Variants in CDH4 observed in about 807,000 individuals in gnomAD.
CDH4 encodes cadherin 4, also known as cadherin-4.
Under a neutral mutation model 86.0 loss-of-function variants are expected in CDH4, and 33 were observed. The ratio of observed to expected loss-of-function variants is 0.38; its 90% CI spans 0.29 to 0.51. CDH4 has a LOEUF of 0.51. Among genes scored for constraint, CDH4 ranks in the 20% least tolerant of loss-of-function variants. CDH4 has a pLI of 0.86. For synonymous variants in CDH4, 555 were observed against 549.4 expected (o/e 1.01, Z -0.14); for missense variants, 1,114 against 1,307.4 (o/e 0.85, Z 2.28).
rs373465910 is a variant in CDH4 at position 61,653,830 on chromosome 20, G to A, written c.170-89733G>A. Reference sequence around the variant, plus strand: ...CTCCTCACTTCCTAGATGGGATGGCGGCCGGGCAGAGACGCTCCTCACTTC... The same window carrying A: ...CTCCTCACTTCCTAGATGGGATGGCAGCCGGGCAGAGACGCTCCTCACTTC... On this transcript the variant is annotated intron_variant, in intron 2 of 15. Coordinates refer to ENST00000614565, the MANE Select transcript of CDH4 (RefSeq NM_001794.5). Among the ~76,000 whole-genome samples, 6 of 68,574 alleles carry A rather than the reference G, an allele frequency of 8.7e-5. 1 individual carries two copies. The highest frequency in any genetic ancestry group is 1.7e-4 in the Non-Finnish European group (4 of 23,928). The allele number at this position is 68,574 out of a possible 152,430, so 45.0% of individuals were successfully genotyped here.
At chr20:61,439,873 A>G (rs2085305282) in intron 2 of CDH4, among the ~76,000 whole-genome samples, 1 of 152,186 alleles carries the variant, frequency 6.6e-6, no homozygotes, top group East Asian at 1.9e-4. Flanking sequence ...CCCTAGTTAC[A>G]TGGTGATATT....
chr20:61,586,871 T>C (rs1440487448), intron 2 of CDH4, among the ~76,000 whole-genome samples: 1 of 152,104 alleles, frequency 6.6e-6, no homozygotes, highest in East Asian at 1.9e-4. Context: ...CTGAGGCACA[T>C]TATTTAATTT....
At chr20:61,321,494 TGA>T (rs1568796627) in intron 2 of CDH4, among the ~76,000 whole-genome samples, 1 of 152,122 alleles carries the variant, frequency 6.6e-6, no homozygotes. Context: ...TGTGTGTGTG[TGA>T]GAGAGAATAT....
chr20:61,373,037 C>G (rs553831800), intron 2 of CDH4, among the ~76,000 whole-genome samples: 34 of 152,332 alleles, frequency 2.2e-4, no homozygotes, highest in African/African-American at 7.9e-4. Flanking sequence ...TCATAAAAAT[C>G]CTGATTCCTG....
At chr20:61,257,784 A>G (rs1430726477) in intron 2 of CDH4, among the ~76,000 whole-genome samples, 2 of 152,252 alleles carry the variant, frequency 1.3e-5, no homozygotes, top group East Asian at 3.9e-4. Flanking sequence ...CGGAAGCTGC[A>G]GCCTGGTACG....
intron 2 of CDH4, among the ~76,000 whole-genome samples, chr20:61,733,196 G>A (rs891605013): frequency 2.0e-5 from 3 of 152,142 alleles, no homozygotes; most frequent in African/African-American, 4.8e-5. Flanking sequence ...TGTCGTTTAG[G>A]AGGGTCTTTG....
chr20:61,417,655 C>G lies in CDH4; in HGVS notation c.169+162718C>G, dbSNP rs1311633671. On this transcript the variant is annotated intron_variant, in intron 2 of 15. Coordinates refer to ENST00000614565, the MANE Select transcript of CDH4 (RefSeq NM_001794.5). The surrounding 1 kb of genome is among the most constrained non-coding windows in gnomAD (Gnocchi z 4.0). The stretch of plus-strand genomic sequence containing the variant: ...GCAGCGTGGATTGGGGAGCAAATTT[C>G]TAGCCGCTTCCCTCTCAGAACATGC... Among the ~76,000 whole-genome samples, 1 of 152,216 alleles carries G rather than the reference C, an allele frequency of 6.6e-6. No individual in the cohort carries two copies. Among genetic ancestry groups the G allele is most frequent in the African/African-American group, 2.4e-5 (1 of 41,450 alleles).
intron 2 of CDH4, among the ~76,000 whole-genome samples, chr20:61,552,823 T>A (rs1206148688): frequency 1.3e-5 from 2 of 151,778 alleles, no homozygotes; most frequent in Non-Finnish European, 2.9e-5. Flanking sequence ...GGAACCCTCA[T>A]GCATTACTGG....
At chr20:61,743,519 C>A in intron 2 of CDH4, 44 bp from the exon 3 acceptor site, 1 of 1,492,278 alleles carries the variant, frequency 6.7e-7, no homozygotes, top group Non-Finnish European at 9.1e-7. Flanking sequence ...TACCGCCCTT[C>A]TGCTGGCCAA....
intron 4 of CDH4, among the ~76,000 whole-genome samples, chr20:61,819,003 TG>T (rs1980879147): frequency 6.6e-6 from 1 of 152,238 alleles, no homozygotes; most frequent in Non-Finnish European, 1.5e-5. Context: ...GGAGACCTGC[TG>T]GCACTTTCTG....
intron 2 of CDH4, among the ~76,000 whole-genome samples, chr20:61,405,833 A>G (rs1422423479): frequency 6.6e-6 from 1 of 152,012 alleles, no homozygotes; most frequent in Non-Finnish European, 1.5e-5. Context: ...GGCGCCCGCC[A>G]TCACGCCCAG....
chr20:61,702,306 G>A (rs765683653), intron 2 of CDH4, among the ~76,000 whole-genome samples: 8 of 152,136 alleles, frequency 5.3e-5, no homozygotes, highest in African/African-American at 1.7e-4. Flanking sequence ...CCCATTTCTC[G>A]ATCCTTGTGG....
At chr20:61,869,761 C>T (rs965864216) in intron 6 of CDH4, among the ~76,000 whole-genome samples, 17 of 152,184 alleles carry the variant, frequency 1.1e-4, no homozygotes, top group Non-Finnish European at 1.9e-4. Flanking sequence ...AGGCCCCTTC[C>T]GCCGAGGGAC....
rs1181952784 is a variant in CDH4 at position 61,411,352 on chromosome 20, CT to C, written c.169+156418del. Among the ~76,000 whole-genome samples, 4 of 148,698 alleles carry C rather than the reference CT, an allele frequency of 2.7e-5. No individual in the cohort carries two copies. In the Admixed American group the frequency reaches 2.7e-4, roughly 10 times the overall value. ...TCTGGGTTCATCTAGTATGACTCTG[CT>C]TTCAAAACTGCCTCAGTCACTCCCT... is the stretch of plus-strand genomic sequence containing the variant. On this transcript the variant is annotated intron_variant, in intron 2 of 15. Transcript: ENST00000614565.
At chr20:61,443,846 T>C (rs906982611) in intron 2 of CDH4, among the ~76,000 whole-genome samples, 2 of 151,236 alleles carry the variant, frequency 1.3e-5, no homozygotes, top group Non-Finnish European at 2.9e-5. Context: ...GTGTGTGTGA[T>C]TGTGTGTATC....
At chr20:61,685,386 C>T (rs980766876) in intron 2 of CDH4, among the ~76,000 whole-genome samples, 12 of 152,226 alleles carry the variant, frequency 7.9e-5, no homozygotes, top group African/African-American at 2.7e-4. Context: ...TCCCCACAGG[C>T]TCATGACAGG....
intron 2 of CDH4, among the ~76,000 whole-genome samples, chr20:61,616,921 T>TG (rs969476281): frequency 6.0e-5 from 9 of 151,246 alleles, no homozygotes; most frequent in African/African-American, 2.2e-4. Flanking sequence ...AGTGGGTCCA[T>TG]GGGGGGCTGC....
intron 2 of CDH4, among the ~76,000 whole-genome samples, chr20:61,602,267 G>A (rs1388612930): frequency 2.0e-5 from 3 of 152,188 alleles, no homozygotes; most frequent in Non-Finnish European, 2.9e-5. Context: ...GCATTTCAGC[G>A]ATGGGCTCAC....
chr20:61,755,484 G>C, intron 3 of CDH4, among the ~76,000 whole-genome samples: 1 of 127,286 alleles, frequency 7.9e-6, no homozygotes, highest in African/African-American at 3.2e-5. Flanking sequence ...TACACACAGT[G>C]CACATCACAC....
Sources: gnomAD v4.1 joint callset for allele counts (sites outside exome capture counted in the v4.1 genomes callset) on GRCh38, gnomAD v4.1.1 for gene constraint, Gnocchi (gnomAD v3.1) non-coding constraint, MANE v1.5 for transcripts, NCBI Gene and HGNC (gene_info 2026-07-23, HGNC 2026-07-21) for gene names.